The following KCNMA1 variants were observed in gnomAD, a reference collection of about 807,000 sequenced individuals.
KCNMA1 encodes the protein potassium calcium-activated channel subfamily M alpha 1.
KCNMA1 carries 29 observed loss-of-function variants against 140.0 expected under a neutral mutation model. That is an observed-to-expected ratio of 0.21 (90% CI 0.15 to 0.28). The LOEUF (loss-of-function observed/expected upper bound fraction) is 0.28. Among genes scored for constraint, KCNMA1 ranks in the 10% least tolerant of loss-of-function variants. KCNMA1 has a pLI of 1.00. For synonymous variants in KCNMA1, 612 were observed against 611.9 expected (o/e 1.00, Z 0.00); for missense variants, 880 against 1,602.2 (o/e 0.55, Z 7.70).
intron 16 of KCNMA1, among the ~76,000 whole-genome samples, chr10:77,027,239 G>T (rs2093543274): frequency 6.6e-6 from 1 of 152,150 alleles, no homozygotes. Flanking sequence ...TCATCAGTCT[G>T]ATTTGCACAT....
intron 1 of KCNMA1, among the ~76,000 whole-genome samples, chr10:77,507,514 G>A (rs1232391746): frequency 6.6e-6 from 1 of 152,176 alleles, no homozygotes; most frequent in Non-Finnish European, 1.5e-5. Context: ...GATTATCCAT[G>A]AACTGACTGT....
At chr10:77,574,903 T>TG (rs1441659920) in intron 1 of KCNMA1, among the ~76,000 whole-genome samples, 1 of 152,242 alleles carries the variant, frequency 6.6e-6, no homozygotes, top group Non-Finnish European at 1.5e-5. Context: ...ACATGCAGCC[T>TG]GCTTGGAGTG....
chr10:77,454,002 C>A (rs1174459855), intron 1 of KCNMA1, among the ~76,000 whole-genome samples: 1 of 152,086 alleles, frequency 6.6e-6, no homozygotes, highest in Non-Finnish European at 1.5e-5. Flanking sequence ...CTGGTTCCAC[C>A]TAATAAAGCT....
intron 1 of KCNMA1, chr10:77,634,361 C>T: frequency 1.0e-6 from 1 of 985,420 alleles, no homozygotes; most frequent in Non-Finnish European, 1.2e-6. Context: ...GTCCACATGC[C>T]ACTCTTTTCA....
intron 2 of KCNMA1, among the ~76,000 whole-genome samples, chr10:77,342,829 G>T (rs1042820955): frequency 4.6e-5 from 7 of 152,192 alleles, no homozygotes; most frequent in Non-Finnish European, 1.0e-4. Context: ...ATGCCTGGAG[G>T]AGCAGAGCCG....
intron 23 of KCNMA1, among the ~76,000 whole-genome samples, chr10:76,921,120 C>A (rs148733984): frequency 6.6e-6 from 1 of 152,196 alleles, no homozygotes; most frequent in East Asian, 1.9e-4. Context: ...ATAGACTTAA[C>A]ATAAAGGAAT....
chr10:77,433,265 G>A (rs1009730141), intron 1 of KCNMA1, among the ~76,000 whole-genome samples: 7 of 152,028 alleles, frequency 4.6e-5, no homozygotes, highest in Admixed American at 1.3e-4. Flanking sequence ...CAATTCTCAC[G>A]CCTCAGCCTC....
intron 3 of KCNMA1, among the ~76,000 whole-genome samples, chr10:77,226,769 T>C (rs1434312730): frequency 6.6e-6 from 1 of 152,076 alleles, no homozygotes; most frequent in African/African-American, 2.4e-5. Context: ...CAATCATAAC[T>C]GCTCTGAGGG....
intron 1 of KCNMA1, among the ~76,000 whole-genome samples, chr10:77,565,676 G>C (rs1035835508): frequency 4.6e-5 from 7 of 152,222 alleles, no homozygotes; most frequent in Non-Finnish European, 8.8e-5. Context: ...CCACCCAAGA[G>C]GGTAGTTGTA....
At chr10:77,576,204 A>C (rs2074029518) in intron 1 of KCNMA1, among the ~76,000 whole-genome samples, 1 of 152,196 alleles carries the variant, frequency 6.6e-6, no homozygotes, top group Admixed American at 6.5e-5. Flanking sequence ...CCTGACTGCC[A>C]AATCTACATT....
At chr10:77,023,048 C>A (rs2093034930) in intron 16 of KCNMA1, 1 of 401,278 alleles carries the variant, frequency 2.5e-6, no homozygotes, top group Non-Finnish European at 5.0e-6. Flanking sequence ...GGGCTCAGTC[C>A]CGCAGGGAAA....
chr10:77,312,471 C>G (rs1315301768), intron 2 of KCNMA1, among the ~76,000 whole-genome samples: 2 of 152,124 alleles, frequency 1.3e-5, no homozygotes, highest in Admixed American at 6.6e-5. Context: ...ACTAAAGATA[C>G]AAAAAATAAC....
intron 1 of KCNMA1, among the ~76,000 whole-genome samples, chr10:77,520,983 TA>T (rs2053198193): frequency 6.6e-6 from 1 of 152,256 alleles, no homozygotes; most frequent in Non-Finnish European, 1.5e-5. Flanking sequence ...TTTCTCATTA[TA>T]GTTATTCCCT....
At position 77,175,032 on chromosome 10, in the gene KCNMA1, G is replaced by A. The variant is rs533699392; in HGVS notation, c.808+8389C>T. On this transcript the variant is annotated intron_variant, in intron 5 of 27. Transcript: ENST00000286628. ...GAACCATCCCAGCATAAGTCAGTAC[G>A]GTGGCTCCAAAACTGGAGATCACCA... Among the ~76,000 whole-genome samples the A allele has an allele frequency of 9.9e-5, 15 of 152,200 alleles. No individual in the cohort carries two copies. The South Asian group carries it at 1.2e-3, about 13-fold the overall frequency.
chr10:77,334,858 T>C (rs1269615962), intron 2 of KCNMA1, among the ~76,000 whole-genome samples: 1 of 152,214 alleles, frequency 6.6e-6, no homozygotes, highest in Non-Finnish European at 1.5e-5. Flanking sequence ...ATATATGTAA[T>C]ATATTATAAT....
At chr10:77,021,901 G>A (rs1183780586) in intron 16 of KCNMA1, among the ~76,000 whole-genome samples, 1 of 152,236 alleles carries the variant, frequency 6.6e-6, no homozygotes, top group Non-Finnish European at 1.5e-5. Flanking sequence ...TGGCGCTGAA[G>A]CACCAGAAAC....
rs1412319360 is a variant in KCNMA1, at chr10:77,097,249, C to CA, written c.1224-6740dup. 5.3e-5 allele frequency among the ~76,000 whole-genome samples: 8 copies of CA among 152,196 alleles called. No homozygotes were observed. The East Asian group carries it at 5.8e-4, about 11-fold the overall frequency. On this transcript the variant is annotated intron_variant, in intron 9 of 27. Coordinates refer to ENST00000286628, the MANE Select transcript of KCNMA1 (RefSeq NM_001161352.2). ...CCCTTGAGGCTCAATCCCCCACTGC[C>CA]AAAAAATAAGACTAATCCAACTCCC...
chr10:77,501,498 C>CG (rs2043866986), intron 1 of KCNMA1, among the ~76,000 whole-genome samples: 1 of 152,176 alleles, frequency 6.6e-6, no homozygotes. Context: ...GTCATAAACC[C>CG]CTCCTTGATG....
chr10:77,427,656 A>G (rs2097042197), intron 1 of KCNMA1, among the ~76,000 whole-genome samples: 1 of 152,208 alleles, frequency 6.6e-6, no homozygotes, highest in Non-Finnish European at 1.5e-5. Flanking sequence ...AAATGTCTGA[A>G]CCAATTAAGC....
Sources: allele counts gnomAD v4.1 joint callset (sites outside exome capture counted in the v4.1 genomes callset), GRCh38; gene constraint gnomAD v4.1.1; transcripts MANE v1.5; gene names NCBI Gene and HGNC (gene_info 2026-07-23, HGNC 2026-07-21).